The following KCNJ4 variants were observed in gnomAD, a reference collection of about 807,000 sequenced individuals.
KCNJ4 encodes potassium inwardly rectifying channel subfamily J member 4.
KCNJ4 carries 3 observed loss-of-function variants against 25.6 expected under a neutral mutation model. The observed-to-expected ratio is 0.12, with a 90% CI of 0.05 to 0.30. KCNJ4 has a LOEUF of 0.30. Ranked by LOEUF, KCNJ4 falls within the 10% of genes least tolerant of loss-of-function variation. The probability of loss-of-function intolerance (pLI) is 1.00; values close to 1 mark genes in which losing one functional copy is unlikely to be tolerated. For missense variants in KCNJ4, 286 were observed against 666.8 expected (o/e 0.43, Z 6.29); for synonymous variants, 257 against 283.9 (o/e 0.91, Z 0.95).
intron 1 of KCNJ4, among the ~76,000 whole-genome samples, chr22:38,442,276 C>T (rs566655666): frequency 1.7e-4 from 26 of 152,234 alleles, no homozygotes; most frequent in East Asian, 1.4e-3. Flanking sequence ...TGGCCGGGCG[C>T]GGTGGCTCAC....
chr22:38,429,446 G>C (rs2093042787), intron 1 of KCNJ4, among the ~76,000 whole-genome samples: 1 of 152,170 alleles, frequency 6.6e-6, no homozygotes, highest in African/African-American at 2.4e-5. Flanking sequence ...TGGGAGGGGA[G>C]GACACACCTC....
intron 1 of KCNJ4, among the ~76,000 whole-genome samples, chr22:38,432,248 TC>T (rs1206371293): frequency 6.8e-6 from 1 of 147,984 alleles, no homozygotes; most frequent in Non-Finnish European, 1.5e-5. Flanking sequence ...ACAGAGAGAC[TC>T]CATCTCAAAA....
chr22:38,446,882 G>T (rs2089377920), intron 1 of KCNJ4, among the ~76,000 whole-genome samples: 1 of 151,902 alleles, frequency 6.6e-6, no homozygotes, highest in Admixed American at 6.6e-5. Flanking sequence ...CTTGAACTGG[G>T]AGGCGGAGGT....
At chr22:38,454,854 G>GCCGGGAC (rs1389687617) in intron 1 of KCNJ4, 126 bp downstream of exon 1, 1 of 151,866 alleles carries the variant, frequency 6.6e-6, no homozygotes, top group African/African-American at 2.4e-5. Context: ...GCGCCGGGCA[G>GCCGGGAC]CCGGGACCCG....
chr22:38,447,424 G>A (rs2089382575), intron 1 of KCNJ4, among the ~76,000 whole-genome samples: 1 of 152,126 alleles, frequency 6.6e-6, no homozygotes, highest in Non-Finnish European at 1.5e-5. Context: ...CCCAGCCAGG[G>A]CCTCTCCAGC....
intron 1 of KCNJ4, among the ~76,000 whole-genome samples, chr22:38,450,729 C>T (rs892370028): frequency 2.6e-5 from 4 of 152,192 alleles, no homozygotes; most frequent in Non-Finnish European, 5.9e-5. Context: ...TTCCTTGTCT[C>T]TGGGCCTCAG....
intron 1 of KCNJ4, among the ~76,000 whole-genome samples, chr22:38,453,348 C>T (rs2089420956): frequency 6.6e-6 from 1 of 152,120 alleles, no homozygotes; most frequent in South Asian, 2.1e-4. Context: ...GAAACTCAAC[C>T]AGCTCTGCCT....
At chr22:38,451,241 A>G (rs2089408939) in intron 1 of KCNJ4, among the ~76,000 whole-genome samples, 1 of 152,158 alleles carries the variant, frequency 6.6e-6, no homozygotes. Flanking sequence ...CCTCACCCGT[A>G]AGGCGAGAGT....
intron 1 of KCNJ4, among the ~76,000 whole-genome samples, chr22:38,429,617 T>C (rs1389404386): frequency 1.3e-5 from 2 of 152,042 alleles, no homozygotes; most frequent in African/African-American, 4.8e-5. Flanking sequence ...ACAGGCAGGA[T>C]TTGCCTGTCA....
chr22:38,431,299 C>T (rs1178638166), intron 1 of KCNJ4, among the ~76,000 whole-genome samples: 2 of 152,168 alleles, frequency 1.3e-5, no homozygotes, highest in Non-Finnish European at 2.9e-5. Flanking sequence ...AGCCGATCCC[C>T]TGATGGCTAC....
At chr22:38,451,153 C>T (rs183193403) in intron 1 of KCNJ4, among the ~76,000 whole-genome samples, 2 of 152,226 alleles carry the variant, frequency 1.3e-5, no homozygotes, top group Non-Finnish European at 2.9e-5. Context: ...AGCGGGGAAG[C>T]GATGGGCACT....
chr22:38,441,598 A>G (rs2089334394), intron 1 of KCNJ4, among the ~76,000 whole-genome samples: 1 of 152,028 alleles, frequency 6.6e-6, no homozygotes, highest in South Asian at 2.1e-4. Context: ...TCACTCACAC[A>G]CAGGATTTCT....
At chr22:38,450,478 TCTGTAGCACATGTGCCATTTCC>T (rs1351916602) in intron 1 of KCNJ4, among the ~76,000 whole-genome samples, 1 of 152,076 alleles carries the variant, frequency 6.6e-6, no homozygotes, top group Non-Finnish European at 1.5e-5. Context: ...CTCACCAGGC[TCTGTAGCACATGTGCCATTTCC>T]CTTCTGCTCC....
intron 1 of KCNJ4, among the ~76,000 whole-genome samples, chr22:38,453,414 C>T (rs9607541): frequency 0.26 from 39,869 of 152,052 alleles, 5,925 homozygotes; most frequent in Non-Finnish European, 0.32. Flanking sequence ...TCAAGGATAA[C>T]CCAAAGGGCC....
rs11703844 is a variant in KCNJ4 at position 38,433,116 on chromosome 22, T to C, written c.-39-4945A>G. Among the ~76,000 whole-genome samples the C allele has an allele frequency of 2.3e-3, 356 of 152,252 alleles. 1 individual carries two copies. The highest frequency in any genetic ancestry group is 3.8e-3 in the Non-Finnish European group (258 of 68,018). On this transcript the variant is annotated intron_variant, in intron 1 of 1. Coordinates refer to ENST00000303592, the MANE Select transcript of KCNJ4 (RefSeq NM_152868.3). ...TCTTGGCAAAATGAAGAAGTGACAA[T>C]GCTACACCAGTTACCAGACTTTTCT...
intron 1 of KCNJ4, among the ~76,000 whole-genome samples, chr22:38,429,435 G>C (rs2145931792): frequency 6.6e-6 from 1 of 152,342 alleles, no homozygotes; most frequent in Middle Eastern, 3.4e-3. Context: ...GAGACAGGGA[G>C]TGGGAGGGGA....
chr22:38,455,162 G>C lies in KCNJ4; in HGVS notation c.-222C>G, dbSNP rs1308167958. 6.7e-6 allele frequency: 1 copy of C among 148,220 alleles called. No homozygotes were observed. Among genetic ancestry groups the C allele is most frequent in the African/African-American group, 2.5e-5 (1 of 40,678 alleles). 9.2% of individuals were successfully genotyped at this position (148,220 alleles called of 1,614,324 possible). A position where few individuals can be genotyped will look rare whatever the true frequency, so the allele number is the denominator to read the frequency against. ...GCCGCTCGGTCTGCGCGTGGGTCTTGGGGTCTCCGCGCGTCCCGGCCGTCC... is the reference window on the plus strand; with the variant it reads ...GCCGCTCGGTCTGCGCGTGGGTCTTCGGGTCTCCGCGCGTCCCGGCCGTCC... On this transcript the variant is annotated 5_prime_UTR_variant, in exon 1 of 2. Coordinates refer to ENST00000303592, the MANE Select transcript of KCNJ4 (RefSeq NM_152868.3).
chr22:38,453,437 A>T (rs1298000930), intron 1 of KCNJ4, among the ~76,000 whole-genome samples: 7 of 152,068 alleles, frequency 4.6e-5, no homozygotes, highest in Non-Finnish European at 1.0e-4. Flanking sequence ...GAGGAATTGT[A>T]CCCCAGATTC....
chr22:38,444,809 G>C (rs1159204637), intron 1 of KCNJ4, among the ~76,000 whole-genome samples: 1 of 152,144 alleles, frequency 6.6e-6, no homozygotes, highest in Non-Finnish European at 1.5e-5. Flanking sequence ...CCTCAGGCCA[G>C]AGAATCTCCA....
Sources: allele counts gnomAD v4.1 joint callset (sites outside exome capture counted in the v4.1 genomes callset), GRCh38; gene constraint gnomAD v4.1.1; transcripts MANE v1.5; gene names NCBI Gene and HGNC (gene_info 2026-07-23, HGNC 2026-07-21).